The following WWOX variants were observed in gnomAD, a reference collection of about 807,000 sequenced individuals.
WWOX encodes the protein WW domain-containing oxidoreductase.
WWOX carries 69 observed loss-of-function variants against 46.2 expected under a neutral mutation model. The ratio of observed to expected loss-of-function variants is 1.49; its 90% CI spans 1.23 to 1.82. WWOX has a LOEUF of 1.82. WWOX is among the 40% of genes most tolerant of loss of function. WWOX has a pLI of 0.00. For synonymous variants in WWOX, 359 were observed against 202.6 expected, an observed-to-expected ratio of 1.77 and a Z score of -6.56; for missense variants, 919 against 542.6, an observed-to-expected ratio of 1.69 and a Z score of -6.89.
At chr16:78,222,973 G>T (rs535675152) in intron 5 of WWOX, among the ~76,000 whole-genome samples, 1 of 152,182 alleles carries the variant, frequency 6.6e-6, no homozygotes, top group African/African-American at 2.4e-5. Context: ...AGGGGAGCCA[G>T]AGGAATGCAG....
chr16:78,510,121 G>C (rs966786047), intron 8 of WWOX, among the ~76,000 whole-genome samples: 6 of 152,036 alleles, frequency 3.9e-5, no homozygotes, highest in African/African-American at 1.2e-4. Context: ...TATTCCTTCA[G>C]TGTATTAGTA....
chr16:78,856,405 G>C (rs2052567725), intron 8 of WWOX, among the ~76,000 whole-genome samples: 1 of 152,196 alleles, frequency 6.6e-6, no homozygotes, highest in Non-Finnish European at 1.5e-5. Flanking sequence ...CACTTTGGTT[G>C]GCTGAGGCGG....
At chr16:78,344,246 C>T (rs1009830437) in intron 5 of WWOX, among the ~76,000 whole-genome samples, 3 of 120,052 alleles carry the variant, frequency 2.5e-5, no homozygotes, top group African/African-American at 8.5e-5. Flanking sequence ...ATGCTGGGCC[C>T]AGAGGACTCC....
intron 8 of WWOX, among the ~76,000 whole-genome samples, chr16:78,710,266 C>G (rs1443841588): frequency 1.3e-5 from 2 of 151,456 alleles, no homozygotes; most frequent in Non-Finnish European, 2.9e-5. Context: ...AGAGTCATTA[C>G]TTTCCACACA....
chr16:78,913,640 C>T (rs1294596551), intron 8 of WWOX, among the ~76,000 whole-genome samples: 1 of 151,456 alleles, frequency 6.6e-6, no homozygotes, highest in East Asian at 1.9e-4. Flanking sequence ...CCAACCAATA[C>T]CTGTGCTCAT....
intron 8 of WWOX, among the ~76,000 whole-genome samples, chr16:79,074,616 C>G (rs976962120): frequency 6.6e-6 from 1 of 151,488 alleles, no homozygotes; most frequent in Admixed American, 6.6e-5. Flanking sequence ...GCTAGGAATA[C>G]TAAGAACCTA....
intron 8 of WWOX, chr16:78,898,933 T>C (rs1379217963): frequency 6.6e-6 from 1 of 152,166 alleles, no homozygotes; most frequent in Non-Finnish European, 1.5e-5. Context: ...TATATAGAAA[T>C]ACAGTTGATT....
At chr16:78,934,306 C>T (rs1204628372) in intron 8 of WWOX, among the ~76,000 whole-genome samples, 1 of 132,312 alleles carries the variant, frequency 7.6e-6, no homozygotes, top group African/African-American at 2.9e-5. Context: ...CCACTGCACT[C>T]TAGCCTGGGC....
At chr16:78,681,232 C>T (rs776765648) in intron 8 of WWOX, among the ~76,000 whole-genome samples, 1 of 151,940 alleles carries the variant, frequency 6.6e-6, no homozygotes, top group East Asian at 1.9e-4. Context: ...CAGAGCAAGA[C>T]TGTCTCATAA....
chr16:78,581,675 A>G (rs185634202), intron 8 of WWOX, among the ~76,000 whole-genome samples: 16 of 152,136 alleles, frequency 1.1e-4, no homozygotes, highest in African/African-American at 3.9e-4. Flanking sequence ...CCATAGATTG[A>G]AGTAGTTTAT....
chr16:78,147,292 A>G (rs1326166230), intron 4 of WWOX, among the ~76,000 whole-genome samples: 1 of 152,148 alleles, frequency 6.6e-6, no homozygotes, highest in African/African-American at 2.4e-5. Flanking sequence ...TTTGAGTACC[A>G]CTTCCTAACC....
At chr16:78,829,636 T>C (rs2051760383) in intron 8 of WWOX, among the ~76,000 whole-genome samples, 1 of 152,132 alleles carries the variant, frequency 6.6e-6, no homozygotes, top group Admixed American at 6.5e-5. Context: ...ACCTTTCCCT[T>C]AGCCTGTACT....
intron 8 of WWOX, among the ~76,000 whole-genome samples, chr16:78,796,731 C>G (rs925650810): frequency 6.6e-6 from 1 of 152,160 alleles, no homozygotes; most frequent in Non-Finnish European, 1.5e-5. Flanking sequence ...GAGCCAGAAG[C>G]ATTCTTCAGT....
chr16:78,876,544 G>A (rs1336660346), intron 8 of WWOX, among the ~76,000 whole-genome samples: 2 of 150,532 alleles, frequency 1.3e-5, no homozygotes, highest in Admixed American at 6.6e-5. Flanking sequence ...TTTCTCATTC[G>A]CCCCTTTCTT....
intron 6 of WWOX, among the ~76,000 whole-genome samples, chr16:78,401,887 A>G (rs2082422182): frequency 1.3e-5 from 2 of 152,038 alleles, no homozygotes; most frequent in African/African-American, 4.8e-5. Context: ...TTTAGTAGAC[A>G]CGGGGTTTCA....
rs1271301452 is a variant in WWOX at position 78,313,459 on chromosome 16, C to T, written c.517-73401C>T. 5.9e-5 allele frequency among the ~76,000 whole-genome samples: 9 copies of T among 152,168 alleles called. No homozygotes were observed. The East Asian group carries it at 1.3e-3, about 23-fold the overall frequency. ...TTAGCTCACCACAAGCTCTGCCTCC[C>T]GTTTAAAGCAATTCTCCTGCCTTGG... is the stretch of plus-strand genomic sequence containing the variant. On this transcript the variant is annotated intron_variant, in intron 5 of 8. Coordinates refer to ENST00000566780, the MANE Select transcript of WWOX (RefSeq NM_016373.4).
intron 8 of WWOX, among the ~76,000 whole-genome samples, chr16:78,925,453 A>G (rs2045476834): frequency 1.3e-5 from 2 of 152,164 alleles, no homozygotes; most frequent in South Asian, 4.1e-4. Context: ...CTTGGTGTTA[A>G]AAAATGCCCT....
chr16:78,989,642 A>T lies in WWOX; in HGVS notation c.1057-221966A>T, dbSNP rs1436818436. On this transcript the variant is annotated intron_variant, in intron 8 of 8. Transcript: ENST00000566780. ...AGTCTTGTGGATTCAGGAATTGGGC[A>T]TCCAGTTGGGACCCTTTGCAAGAAG... Among the ~76,000 whole-genome samples, 4 of 152,326 alleles carry T rather than the reference A, an allele frequency of 2.6e-5. No individual in the cohort carries two copies. In the East Asian group the frequency reaches 7.7e-4, roughly 29 times the overall value.
chr16:79,026,483 T>A (rs1209895632), intron 8 of WWOX, among the ~76,000 whole-genome samples: 1 of 151,726 alleles, frequency 6.6e-6, no homozygotes, highest in Non-Finnish European at 1.5e-5. Context: ...TCTGTACTTG[T>A]TCATGTGATC....
Sources: gnomAD v4.1 joint callset for allele counts (sites outside exome capture counted in the v4.1 genomes callset) on GRCh38, gnomAD v4.1.1 for gene constraint, MANE v1.5 for transcripts, NCBI Gene and HGNC (gene_info 2026-07-23, HGNC 2026-07-21) for gene names.